The following NDUFA10 variants were observed in gnomAD, a reference collection of about 807,000 sequenced individuals.
NDUFA10 encodes the protein NADH dehydrogenase [ubiquinone] 1 alpha subcomplex subunit 10, mitochondrial.
Under a neutral mutation model 47.8 loss-of-function variants are expected in NDUFA10, and 40 were observed. That is an observed-to-expected ratio of 0.84 (90% CI 0.65 to 1.09). The LOEUF (loss-of-function observed/expected upper bound fraction) is 1.09, where lower values mean the gene tolerates loss of function less well. Among genes scored for constraint, NDUFA10 ranks in the 50% least tolerant of loss-of-function variants. The pLI, the probability that NDUFA10 is intolerant of heterozygous loss-of-function variation, is 0.00. For missense variants in NDUFA10, 413 were observed against 451.1 expected (o/e 0.92, Z 0.76); for synonymous variants, 183 against 172.2 (o/e 1.06, Z -0.49).
intron 9 of NDUFA10, among the ~76,000 whole-genome samples, chr2:239,966,108 G>A (rs111443296): frequency 4.3e-4 from 65 of 152,348 alleles, no homozygotes; most frequent in African/African-American, 8.2e-4. Flanking sequence ...TGACCCTGGC[G>A]TGTGTCAGTC....
chr2:239,919,514 C>T (rs141692428), intron 4 of NDUFA10, among the ~76,000 whole-genome samples: 24 of 140,402 alleles, frequency 1.7e-4, no homozygotes, highest in African/African-American at 5.5e-4. Context: ...GCATGCGGAA[C>T]GGGGTAAGTT....
rs377402379 is a variant in NDUFA10, at chr2:239,961,164, G to C, written c.1022C>G (p.Pro341Arg). 7.9e-5 allele frequency: 127 copies of C among 1,613,644 alleles called. No individual in the cohort carries two copies. Among genetic ancestry groups the C allele is most frequent in the Non-Finnish European group, 9.8e-5 (116 of 1,179,928 alleles). ...FRELPGRKYS[P>R]GYNTEVGDKW... ...GTCTCCCACCTCGGTGTTGTACCCA[G>C]GGCTGTACTTGCGGCCCGGCAGCTG... Residue 341 changes from proline (P) to arginine (R), a missense_variant, in exon 10 of 10, where the codon CCT becomes CGT. Transcript: ENST00000252711.
Position 239,959,682 on chromosome 2 carries a change from GAGA to G in NDUFA10, c.*1433_*1435del, listed in dbSNP as rs1694769135. On this transcript the variant is annotated 3_prime_UTR_variant, in exon 10 of 10. Coordinates refer to ENST00000252711, the MANE Select transcript of NDUFA10 (RefSeq NM_004544.4). The stretch of plus-strand genomic sequence containing the variant: ...AGGACAGACGGAAGGAAGGAAGGAA[GAGA>G]AGGAGGGAAGGAAAGAGGCAGGGAG... The G allele has an allele frequency of 1.1e-6, 1 of 908,314 alleles. No homozygotes were observed. The highest frequency in any genetic ancestry group is 1.9e-5 in the African/African-American group (1 of 51,992). The allele number at this position is 908,314 out of a possible 1,614,324, so 56.3% of individuals were successfully genotyped here.
chr2:239,933,673 C>G (rs1045574344), intron 4 of NDUFA10, among the ~76,000 whole-genome samples: 4 of 151,856 alleles, frequency 2.6e-5, no homozygotes, highest in Non-Finnish European at 4.4e-5. Context: ...GTGTAAAACC[C>G]TGTGTGTGAA....
intron 9 of NDUFA10, among the ~76,000 whole-genome samples, chr2:239,964,849 C>T (rs1185662774): frequency 6.6e-6 from 1 of 152,104 alleles, no homozygotes; most frequent in Non-Finnish European, 1.5e-5. Flanking sequence ...AGAATTAAGC[C>T]CAAAGAACAG....
chr2:239,969,511 A>G, intron 9 of NDUFA10: 2 of 378,082 alleles, frequency 5.3e-6, no homozygotes, highest in South Asian at 3.9e-5. Context: ...GTGATGGAGC[A>G]CAGAAGAGCT....
intron 9 of NDUFA10, 135 bp from the exon 10 acceptor site, chr2:239,961,321 T>C: frequency 1.3e-6 from 2 of 1,531,402 alleles, no homozygotes; most frequent in Non-Finnish European, 1.8e-6. Context: ...ACATGATCTG[T>C]GGCAGGTGTC....
chr2:240,002,373 TTTG>T (rs563134599), intron 8 of NDUFA10, among the ~76,000 whole-genome samples: 86 of 151,224 alleles, frequency 5.7e-4, no homozygotes, highest in African/African-American at 1.9e-3. Context: ...GAAAGCGGGT[TTTG>T]TTGTTTGTTT....
intron 9 of NDUFA10, among the ~76,000 whole-genome samples, 174 bp from the exon 10 acceptor site, chr2:239,961,360 C>A (rs1008324577): frequency 6.6e-6 from 1 of 152,220 alleles, no homozygotes; most frequent in Non-Finnish European, 1.5e-5. Flanking sequence ...GCCACAGGTA[C>A]ACAAACCACA....
At chr2:240,008,860 C>A (rs528756006) in intron 6 of NDUFA10, among the ~76,000 whole-genome samples, 1 of 152,284 alleles carries the variant, frequency 6.6e-6, no homozygotes, top group East Asian at 1.9e-4. Flanking sequence ...ATCTTCTGTG[C>A]GCCTCCATTC....
chr2:239,905,947 T>C (rs1693647769), intron 4 of NDUFA10, among the ~76,000 whole-genome samples: 1 of 151,732 alleles, frequency 6.6e-6, no homozygotes, highest in Admixed American at 6.6e-5. Flanking sequence ...GCCTCCCCTA[T>C]GCTGCAAAAA....
intron 9 of NDUFA10, among the ~76,000 whole-genome samples, chr2:239,985,496 T>C (rs1463796163): frequency 6.8e-6 from 1 of 147,410 alleles, no homozygotes; most frequent in East Asian, 2.0e-4. Flanking sequence ...AAAGACAAGA[T>C]ATACAGAAAG....
In NDUFA10 at chr2:239,987,028, C is replaced by T. The variant is rs1489836590; in HGVS notation, c.999+3046G>A. Among the ~76,000 whole-genome samples, 1 of 152,164 alleles carries T rather than the reference C, an allele frequency of 6.6e-6. No homozygotes were observed. The highest frequency in any genetic ancestry group is 1.5e-5 in the Non-Finnish European group (1 of 68,028). Reference sequence around the variant, plus strand: ...TGAATGCCAAGAAAAGCCTGAGGAACTGATCCAGATTCAAAGAGATGTAGC... The same window carrying T: ...TGAATGCCAAGAAAAGCCTGAGGAATTGATCCAGATTCAAAGAGATGTAGC... On this transcript the variant is annotated intron_variant, in intron 9 of 9. Transcript: ENST00000252711. This position sits in a 1 kb window ranked among gnomAD's most constrained non-coding sequence, Gnocchi z 4.8.
At chr2:240,010,676 C>T (rs1399951371) in intron 6 of NDUFA10, among the ~76,000 whole-genome samples, 3 of 151,874 alleles carry the variant, frequency 2.0e-5, no homozygotes, top group Non-Finnish European at 4.4e-5. Context: ...ATGACATAAA[C>T]GTTAATACTT....
intron 4 of NDUFA10, among the ~76,000 whole-genome samples, chr2:239,923,708 A>G (rs1694024726): frequency 6.6e-6 from 1 of 152,170 alleles, no homozygotes; most frequent in South Asian, 2.1e-4. Context: ...GCTAGGAAAA[A>G]GGGCACAATA....
At chr2:239,950,535 T>C (rs1463043827) in intron 4 of NDUFA10, among the ~76,000 whole-genome samples, 3 of 152,242 alleles carry the variant, frequency 2.0e-5, no homozygotes, top group Admixed American at 6.5e-5. Context: ...CACTTGTGTT[T>C]AGACCTGGTG....
rs1437004495 is a variant in NDUFA10, at chr2:239,960,656, AC to A, written c.*461del. ...ATGTAAGCCTCAATTAAACCACACC[AC>A]ACCAAACAGGGCCCAGAGCAGCGTG... On this transcript the variant is annotated 3_prime_UTR_variant, in exon 10 of 10. Transcript: ENST00000252711. The A allele has an allele frequency of 9.3e-7, 1 of 1,080,690 alleles. No individual in the cohort carries two copies. Among genetic ancestry groups the A allele is most frequent in the Non-Finnish European group, 1.1e-6 (1 of 885,162 alleles). 66.9% of individuals were successfully genotyped at this position (1,080,690 alleles called of 1,614,324 possible).
chr2:239,971,619 C>A (rs1695308390), intron 9 of NDUFA10, among the ~76,000 whole-genome samples: 1 of 152,190 alleles, frequency 6.6e-6, no homozygotes, highest in African/African-American at 2.4e-5. Flanking sequence ...AAGGAAGGCA[C>A]AGTCTCTGTT....
chr2:240,014,672 C>G, intron 5 of NDUFA10, 67 bp downstream of exon 5: 1 of 1,607,508 alleles, frequency 6.2e-7, no homozygotes, highest in African/African-American at 1.3e-5. Context: ...GCTATTAAAA[C>G]AGGGCTTTTA....
Sources: gnomAD v4.1 joint callset for allele counts (sites outside exome capture counted in the v4.1 genomes callset) on GRCh38, gnomAD v4.1.1 for gene constraint, Gnocchi (gnomAD v3.1) non-coding constraint, MANE v1.5 for transcripts, NCBI Gene and HGNC (gene_info 2026-07-23, HGNC 2026-07-21) for gene names.